ARFGEF1: variants seen among roughly 807,000 people sequenced by gnomAD.
The protein encoded by ARFGEF1 is brefeldin A-inhibited guanine nucleotide-exchange protein 1.
In ARFGEF1, 42 loss-of-function variants were observed where a neutral mutation model predicts 231.0. That is an observed-to-expected ratio of 0.18 (90% CI 0.14 to 0.24). The LOEUF is 0.24. Ranked by LOEUF, ARFGEF1 falls within the 10% of genes least tolerant of loss-of-function variation. The pLI is 1.00. For synonymous variants in ARFGEF1, 710 were observed against 732.3 expected (o/e 0.97, Z 0.49); for missense variants, 1,345 against 2,192.0 (o/e 0.61, Z 7.72).
At chr8:67,296,689 C>T in intron 4 of ARFGEF1, 79 bp from the exon 5 acceptor site, 2 of 1,212,480 alleles carry the variant, frequency 1.6e-6, no homozygotes, top group Non-Finnish European at 2.2e-6. Context: ...CTCGCTCTGT[C>T]ACCCAGGCTG....
At chr8:67,288,695 C>CGGTG (rs1397035773) in intron 6 of ARFGEF1, among the ~76,000 whole-genome samples, 1 of 151,712 alleles carries the variant, frequency 6.6e-6, no homozygotes, top group African/African-American at 2.4e-5. Context: ...ACTGCACCAC[C>CGGTG]GCACTCCACC....
In ARFGEF1 at chr8:67,228,248, T is replaced by C. The variant is rs779714564; in HGVS notation, c.3397A>G (p.Thr1133Ala). 2 of 1,610,570 alleles carry C rather than the reference T, an allele frequency of 1.2e-6. No individual in the cohort carries two copies. The highest frequency in any genetic ancestry group is 1.7e-6 in the Non-Finnish European group (2 of 1,177,722). ...VAVDRIFTGS[T>A]RLDGNAIVDF... ...CCAATGGCATTTCCATCTAGCCTTG[T>C]AGATCCTGTGAATATTCTAGGGAAA... The change falls in exon 24 of 39, where the codon ACA becomes GCA. Residue 1133 changes from threonine (T) to alanine (A), a missense_variant. This residue lies in a region of ARFGEF1 where 146 missense variants were observed against 321.4 expected (regional missense o/e 0.45). Coordinates refer to ENST00000262215, the MANE Select transcript of ARFGEF1 (RefSeq NM_006421.5).
rs1233304077 is a variant in ARFGEF1 at position 67,284,652 on chromosome 8, G to GA, written c.1027+3302dup. ...ATGTAGGAAACGGAAGATACAAATAGAAAGTACAGAAAGATGAGGAGCAAC... is the reference window on the plus strand; with the variant it reads ...ATGTAGGAAACGGAAGATACAAATAGAAAAGTACAGAAAGATGAGGAGCAAC... On this transcript the variant is annotated intron_variant, in intron 7 of 38. Coordinates refer to ENST00000262215, the MANE Select transcript of ARFGEF1 (RefSeq NM_006421.5). 7.9e-5 allele frequency among the ~76,000 whole-genome samples: 12 copies of GA among 152,132 alleles called. No individual in the cohort carries two copies. In the East Asian group the frequency reaches 2.3e-3, roughly 29 times the overall value.
At chr8:67,275,171 A>G (rs533072374) in intron 9 of ARFGEF1, among the ~76,000 whole-genome samples, 4 of 152,132 alleles carry the variant, frequency 2.6e-5, no homozygotes, top group African/African-American at 9.6e-5. Flanking sequence ...TCCCTTTCTT[A>G]AAGTTATGGT....
Position 67,310,549 on chromosome 8 carries a change from TG to T in ARFGEF1, c.125-8084del, listed in dbSNP as rs939329917. On this transcript the variant is annotated intron_variant, in intron 1 of 38. Coordinates refer to ENST00000262215, the MANE Select transcript of ARFGEF1 (RefSeq NM_006421.5). ...CTGGGAAGTGAGGAGTGTCTCTGCC[TG>T]GCCGCCCATCGTCTGGGATGTGAGG... Among the ~76,000 whole-genome samples the T allele has an allele frequency of 2.2e-4, 33 of 148,722 alleles. 1 individual carries two copies. The highest frequency in any genetic ancestry group is 6.2e-4 in the African/African-American group (25 of 40,154).
chr8:67,294,926 GC>G (rs1587245742), intron 5 of ARFGEF1, among the ~76,000 whole-genome samples: 1 of 152,104 alleles, frequency 6.6e-6, no homozygotes, highest in East Asian at 1.9e-4. Flanking sequence ...CAAGGCTGAA[GC>G]TGGGAAAATT....
intron 5 of ARFGEF1, chr8:67,190,883 T>G (rs1836040415): frequency 1.4e-6 from 1 of 696,826 alleles, no homozygotes; most frequent in Non-Finnish European, 2.5e-6. Context: ...TGGGTCTGAA[T>G]CTAGGCTCTG....
At chr8:67,227,827 C>T (rs1839427300) in intron 25 of ARFGEF1, 136 bp downstream of exon 25, 4 of 862,276 alleles carry the variant, frequency 4.6e-6, no homozygotes, top group African/African-American at 3.5e-5. Context: ...AAACACCATT[C>T]ACAGGGTTTT....
rs538220251 is a variant in ARFGEF1, at chr8:67,272,039, T to C, written c.1338-103A>G. On this transcript the variant is annotated intron_variant, in intron 9 of 38. Transcript: ENST00000262215. ...CCAGATACACATAATCATAATTTCA[T>C]AAACTTTGTAAATGGAGAGGAAGAG... 5.0e-3 allele frequency: 3,521 copies of C among 703,480 alleles called. 13 individuals carry two copies. Among genetic ancestry groups the C allele is most frequent in the Non-Finnish European group, 6.6e-3 (2,860 of 430,328 alleles). 43.6% of individuals were successfully genotyped at this position (703,480 alleles called of 1,614,324 possible).
chr8:67,316,526 T>C (rs879857312), intron 1 of ARFGEF1, among the ~76,000 whole-genome samples: 2 of 151,812 alleles, frequency 1.3e-5, no homozygotes, highest in Non-Finnish European at 2.9e-5. Flanking sequence ...AGTGGCGCAA[T>C]CACAGCTCAC....
At chr8:67,293,659 A>C (rs1388272099) in intron 5 of ARFGEF1, among the ~76,000 whole-genome samples, 4 of 152,140 alleles carry the variant, frequency 2.6e-5, no homozygotes, top group Non-Finnish European at 5.9e-5. Context: ...TACAAAAGAG[A>C]ATGTATAGCA....
chr8:67,217,719 T>C, intron 32 of ARFGEF1, 63 bp downstream of exon 32: 6 of 1,531,910 alleles, frequency 3.9e-6, no homozygotes, highest in Non-Finnish European at 5.4e-6. Flanking sequence ...TTTTAATCAC[T>C]AGTCACTCTC....
chr8:67,257,249 T>G (rs1840487449), intron 17 of ARFGEF1, among the ~76,000 whole-genome samples: 1 of 152,090 alleles, frequency 6.6e-6, no homozygotes, highest in South Asian at 2.1e-4. Flanking sequence ...CCCAGCTAAT[T>G]TATGCATATT....
At chr8:67,212,546 C>A (rs1450128634) in intron 33 of ARFGEF1, among the ~76,000 whole-genome samples, 1 of 152,160 alleles carries the variant, frequency 6.6e-6, no homozygotes, top group Admixed American at 6.5e-5. Flanking sequence ...CAATAAATGG[C>A]AGCTGACCCT....
At position 67,343,226 on chromosome 8, in the gene ARFGEF1, G is replaced by T. The variant is rs746993809; in HGVS notation, c.62C>A (p.Ala21Asp). The change falls in exon 1 of 39, where the codon GCC becomes GAC. Residue 21 changes from alanine to aspartate, a missense_variant. By Grantham distance (126) the Ala-to-Asp change is moderately radical (BLOSUM62 -2). Coordinates refer to ENST00000262215, the MANE Select transcript of ARFGEF1 (RefSeq NM_006421.5). ...ATGCGCCTTCTTCACTTCCTTGTCGGCCAATATCTTCTCCAGAGCCCGGGT... is the reference window on the plus strand; with the variant it reads ...ATGCGCCTTCTTCACTTCCTTGTCGTCCAATATCTTCTCCAGAGCCCGGGT... ...FLTRALEKILADKEVKKAHHS... is the reference protein window; with the variant it reads ...FLTRALEKILDDKEVKKAHHS... The T allele has an allele frequency of 6.2e-7, 1 of 1,613,840 alleles. No homozygotes were observed. Among genetic ancestry groups the T allele is most frequent in the Non-Finnish European group, 8.5e-7 (1 of 1,179,820 alleles).
At chr8:67,260,289 C>T (rs190614376) in intron 14 of ARFGEF1, among the ~76,000 whole-genome samples, 2 of 152,308 alleles carry the variant, frequency 1.3e-5, no homozygotes, top group African/African-American at 4.8e-5. Context: ...ATATTTCATA[C>T]AGGCATACTT....
intron 36 of ARFGEF1, among the ~76,000 whole-genome samples, chr8:67,202,559 C>T (rs1393873264): frequency 6.6e-6 from 1 of 152,126 alleles, no homozygotes; most frequent in African/African-American, 2.4e-5. Context: ...ACAGCTGGCT[C>T]TATTTTTTAA....
intron 1 of ARFGEF1, among the ~76,000 whole-genome samples, chr8:67,313,715 C>T (rs932233240): frequency 9.2e-5 from 14 of 152,160 alleles, no homozygotes; most frequent in African/African-American, 2.9e-4. Context: ...GATGGTTTAA[C>T]GCTCTATTTT....
intron 18 of ARFGEF1, among the ~76,000 whole-genome samples, chr8:67,252,282 CAAAAAAAAAAAAAA>C (rs57653248): frequency 5.5e-4 from 12 of 21,878 alleles, no homozygotes; most frequent in East Asian, 3.3e-3. Context: ...AACTCCATCT[CAAAAAAAAAAAAAA>C]AAAAAAAAAA....
Sources: gnomAD v4.1 joint callset for allele counts (sites outside exome capture counted in the v4.1 genomes callset) on GRCh38, gnomAD v4.1.1 for gene constraint, gnomAD v4.1.1 regional missense constraint, MANE v1.5 for transcripts, NCBI Gene and HGNC (gene_info 2026-07-23, HGNC 2026-07-21) for gene names.